Variants in MED16 observed in about 807,000 individuals in gnomAD.
MED16 encodes mediator of RNA polymerase II transcription subunit 16.
MED16 carries 81 observed loss-of-function variants against 84.4 expected under a neutral mutation model. The ratio of observed to expected loss-of-function variants is 0.96; its 90% CI spans 0.80 to 1.15. MED16 has a LOEUF of 1.15. Ranked by LOEUF, MED16 falls within the 50% of genes most tolerant of loss-of-function variation. MED16 has a pLI of 0.00. For synonymous variants in MED16, 897 were observed against 552.2 expected, an observed-to-expected ratio of 1.62 and a Z score of -8.76; for missense variants, 1,585 against 1,245.9, an observed-to-expected ratio of 1.27 and a Z score of -4.10.
At chr19:884,782 C>G (rs2965294) in intron 6 of MED16, 121 bp downstream of exon 6, 334,718 of 719,320 alleles carry the variant, frequency 0.47, 80,251 homozygotes, top group African/African-American at 0.63. Context: ...CGAGGCGAGA[C>G]GATCGCTTAG....
chr19:892,325 C>G (rs966868608), intron 1 of MED16: 2 of 156,042 alleles, frequency 1.3e-5, no homozygotes, highest in Non-Finnish European at 2.9e-5. Context: ...CTTCATTTCA[C>G]CCCTTGAGCC....
intron 7 of MED16, 138 bp downstream of exon 7, chr19:881,421 G>A: frequency 1.0e-6 from 1 of 972,880 alleles, no homozygotes; most frequent in Non-Finnish European, 1.4e-6. Context: ...AGAAGGCTGA[G>A]CTCCTACAGC....
chr19:877,599 C>G (rs1454765466), intron 8 of MED16, among the ~76,000 whole-genome samples: 2 of 87,856 alleles, frequency 2.3e-5, no homozygotes, highest in Non-Finnish European at 5.3e-5. Context: ...GGGGCTTGCA[C>G]CTGTGGTCCC....
intron 4 of MED16, 65 bp downstream of exon 4, chr19:889,573 T>C (rs933685612): frequency 2.1e-5 from 33 of 1,538,936 alleles, no homozygotes; most frequent in Middle Eastern, 3.5e-4. Context: ...GGAGAGGGGC[T>C]GGCGGGTGGC....
At chr19:877,770 C>G (rs1179205415) in intron 8 of MED16, among the ~76,000 whole-genome samples, 3 of 69,180 alleles carry the variant, frequency 4.3e-5, no homozygotes, top group South Asian at 4.6e-4. Flanking sequence ...TGCCCACCAG[C>G]CCCAGCCCCA....
chr19:868,956 G>C lies in MED16; in HGVS notation c.2316-10C>G, dbSNP rs1178573333. 2 of 1,534,474 alleles carry C rather than the reference G, an allele frequency of 1.3e-6. No homozygotes were observed. Among genetic ancestry groups the C allele is most frequent in the African/African-American group, 1.4e-5 (1 of 73,062 alleles). On this transcript the variant is annotated splice_polypyrimidine_tract_variant and intron_variant, in intron 13 of 15. Transcript: ENST00000325464. ...GGGCTGGCCTGGGGCCCTGGCGGGA[G>C]AGGGGAGAACGTGAGGGAGGCCTGG...
Position 876,933 on chromosome 19 carries a change from C to CCCCCACCTGCCATGGGG in MED16, c.1560+40_1560+41insCCCCATGGCAGGTGGGG. ...CACGGGGCCCCCACCTGCCACAGGG[C>CCCCCACCTGCCATGGGG]CCCCACCTGCCACGGGGCCCCACCT... On this transcript the variant is annotated intron_variant, in intron 9 of 15. Coordinates refer to ENST00000325464, the MANE Select transcript of MED16 (RefSeq NM_005481.3). 2.0e-6 allele frequency: 3 copies of CCCCCACCTGCCATGGGG among 1,473,106 alleles called. No homozygotes were observed. In the East Asian group the frequency reaches 7.5e-5, roughly 37 times the overall value. The allele number at this position is 1,473,106 out of a possible 1,614,324, so 91.3% of individuals were successfully genotyped here.
chr19:877,235 C>G (rs955833934), intron 8 of MED16, 55 bp from the exon 9 acceptor site: 16 of 1,541,096 alleles, frequency 1.0e-5, no homozygotes, highest in Non-Finnish European at 1.2e-5. Flanking sequence ...CGCCCTCAGC[C>G]GGGAGAGGAA....
Position 868,038 on chromosome 19 carries a change from G to C in MED16, c.*63C>G, listed in dbSNP as rs2035954510. On this transcript the variant is annotated 3_prime_UTR_variant, in exon 16 of 16. Transcript: ENST00000325464. ...CAGGTTCAGCGCTCTCCGCGGGTGA[G>C]GCAAGGAAACCGAGGAGACGCCCGA... The C allele has an allele frequency of 6.5e-7, 1 of 1,536,930 alleles. No homozygotes were observed. Among genetic ancestry groups the C allele is most frequent in the Non-Finnish European group, 8.7e-7 (1 of 1,147,494 alleles).
At position 876,229 on chromosome 19, in the gene MED16, G is replaced by A. The variant is rs138972499; in HGVS notation, c.1560+745C>T. ...AGGGCTGGTCCCACGTGCAGCTGCC[G>A]GCTGAGCTCGTTAGATCTGAGGTCC... is the stretch of plus-strand genomic sequence containing the variant. On this transcript the variant is annotated intron_variant, in intron 9 of 15. Transcript: ENST00000325464. Among the ~76,000 whole-genome samples the A allele has an allele frequency of 9.8e-3, 1,488 of 152,214 alleles. 11 individuals carry two copies. Among genetic ancestry groups the A allele is most frequent in the Non-Finnish European group, 0.013 (907 of 68,002 alleles).
chr19:891,039 T>C lies in MED16; in HGVS notation c.93A>G (p.Pro31=), dbSNP rs761772596. Residue 31 remains proline (P), a synonymous_variant, in exon 2 of 16, where the codon CCA becomes CCG. Coordinates refer to ENST00000325464, the MANE Select transcript of MED16 (RefSeq NM_005481.3). ...WEKWSKSTHC[P]SVPLACAWSC... is the part of the protein sequence containing the mutation. ...ACCAGGCGCAGGCCAGGGGCACCGA[T>C]GGGCAGTGGGTGCTCTTGGACCATT... 13 of 1,614,076 alleles carry C rather than the reference T, an allele frequency of 8.1e-6. No homozygotes were observed. Among genetic ancestry groups the C allele is most frequent in the Non-Finnish European group, 1.0e-5 (12 of 1,180,002 alleles).
At chr19:890,014 G>A in intron 3 of MED16, 123 bp downstream of exon 3, 1 of 839,070 alleles carries the variant, frequency 1.2e-6, no homozygotes, top group Non-Finnish European at 1.8e-6. Flanking sequence ...AGCAGCAGGT[G>A]CAAAGCTGCA....
In MED16 at chr19:877,001, G is replaced by A. The variant is rs1354679711; in HGVS notation, c.1533C>T (p.Tyr511=). The A allele has an allele frequency of 6.2e-6, 10 of 1,612,128 alleles. No homozygotes were observed. Among genetic ancestry groups the A allele is most frequent in the Middle Eastern group, 1.7e-4 (1 of 6,024 alleles). The change falls in exon 9 of 16, where the codon TAC becomes TAT. Residue 511 remains tyrosine, a synonymous_variant. Coordinates refer to ENST00000325464, the MANE Select transcript of MED16 (RefSeq NM_005481.3). The stretch of plus-strand genomic sequence containing the variant: ...GCTGCAGGGCAGCGGTCTGGCGCGT[G>A]TACTCCTCGTGCAGCTTCTCCACCA... ...QSLVEKLHEE[Y]TRQTAALQQV...
At chr19:869,306 C>G (rs1005496316) in intron 13 of MED16, among the ~76,000 whole-genome samples, 6 of 152,070 alleles carry the variant, frequency 3.9e-5, no homozygotes, top group Non-Finnish European at 7.4e-5. Context: ...TGAGGCTGGA[C>G]AGAAGCAGGT....
chr19:874,683 G>A (rs1478111436), intron 10 of MED16, among the ~76,000 whole-genome samples: 1 of 152,208 alleles, frequency 6.6e-6, no homozygotes, highest in Non-Finnish European at 1.5e-5. Context: ...GTCAAGACCA[G>A]CCTGGGCAAC....
chr19:885,020 G>T lies in MED16; in HGVS notation c.880-12C>A, dbSNP rs370975859. 9 of 1,581,954 alleles carry T rather than the reference G, an allele frequency of 5.7e-6. No individual in the cohort carries two copies. Among genetic ancestry groups the T allele is most frequent in the African/African-American group, 5.4e-5 (4 of 74,634 alleles). On this transcript the variant is annotated splice_polypyrimidine_tract_variant and intron_variant, in intron 5 of 15. Transcript: ENST00000325464. Reference sequence around the variant, plus strand: ...GCGCACAAAAGCACCTGCGGGGGAGGTGGGGGTGAGGGCTGACCCGGCACT... The same window carrying T: ...GCGCACAAAAGCACCTGCGGGGGAGTTGGGGGTGAGGGCTGACCCGGCACT...
At chr19:880,837 A>G (rs2036406053) in intron 7 of MED16, among the ~76,000 whole-genome samples, 1 of 151,896 alleles carries the variant, frequency 6.6e-6, no homozygotes, top group Non-Finnish European at 1.5e-5. Flanking sequence ...AGGAAGGAGA[A>G]TCGCTTGAAC....
intron 12 of MED16, 152 bp downstream of exon 12, chr19:871,774 A>AGC (rs370211321): frequency 3.6e-4 from 62 of 171,694 alleles, no homozygotes; most frequent in South Asian, 5.8e-4. Context: ...GAGCGGGGAG[A>AGC]GGGGAGAGGG....
chr19:879,602 G>C (rs1233265012), intron 8 of MED16, among the ~76,000 whole-genome samples: 1 of 127,244 alleles, frequency 7.9e-6, no homozygotes, highest in African/African-American at 3.1e-5. Flanking sequence ...CCTTCCCGTG[G>C]TTGTCAATGC....
Sources: allele counts gnomAD v4.1 joint callset (sites outside exome capture counted in the v4.1 genomes callset), GRCh38; gene constraint gnomAD v4.1.1; transcripts MANE v1.5; gene names NCBI Gene and HGNC (gene_info 2026-07-23, HGNC 2026-07-21).